Variants in NKAIN3 observed in about 807,000 individuals in gnomAD.
The protein encoded by NKAIN3 is sodium/potassium transporting ATPase interacting 3.
Under a neutral mutation model 30.2 loss-of-function variants are expected in NKAIN3, and 25 were observed. The observed-to-expected ratio is 0.83, with a 90% CI of 0.60 to 1.16. NKAIN3 has a LOEUF of 1.16. Among genes scored for constraint, NKAIN3 ranks in the 50% most tolerant of loss-of-function variants. The pLI, the probability that NKAIN3 is intolerant of heterozygous loss-of-function variation, is 0.00. For synonymous variants in NKAIN3, 91 were observed against 89.6 expected, an observed-to-expected ratio of 1.02 and a Z score of -0.09; for missense variants, 225 against 254.1, an observed-to-expected ratio of 0.89 and a Z score of 0.78.
chr8:62,714,403 C>T (rs912097068), intron 3 of NKAIN3, among the ~76,000 whole-genome samples: 3 of 151,656 alleles, frequency 2.0e-5, no homozygotes, highest in Non-Finnish European at 2.9e-5. Flanking sequence ...TCTTTTATAT[C>T]ATATGTATGT....
intron 1 of NKAIN3, among the ~76,000 whole-genome samples, chr8:62,250,653 C>T (rs1812072172): frequency 6.6e-6 from 1 of 152,022 alleles, no homozygotes; most frequent in Non-Finnish European, 1.5e-5. Context: ...ATGGAAATAA[C>T]AAGTAAGGTT....
chr8:62,606,904 G>A (rs1181995888), intron 3 of NKAIN3, among the ~76,000 whole-genome samples: 1 of 152,152 alleles, frequency 6.6e-6, no homozygotes, highest in Non-Finnish European at 1.5e-5. Context: ...TACTGAGACA[G>A]TGGGTGTAGT....
intron 1 of NKAIN3, among the ~76,000 whole-genome samples, chr8:62,365,449 C>A (rs1411369085): frequency 1.3e-5 from 2 of 152,096 alleles, no homozygotes; most frequent in African/African-American, 4.8e-5. Flanking sequence ...GCTTTTTCTG[C>A]TGAACATAAT....
chr8:62,515,877 T>G (rs933904092), intron 1 of NKAIN3, among the ~76,000 whole-genome samples: 1 of 152,162 alleles, frequency 6.6e-6, no homozygotes, highest in African/African-American at 2.4e-5. Flanking sequence ...ATAAATTATA[T>G]ATTTAAATTA....
At position 62,359,814 on chromosome 8, in the gene NKAIN3, A is replaced by G. The variant is rs75249241; in HGVS notation, c.54+110687A>G. Among the ~76,000 whole-genome samples the G allele has an allele frequency of 4.8e-4, 73 of 152,280 alleles. No individual in the cohort carries two copies. The East Asian group carries it at 0.013, about 27-fold the overall frequency. On this transcript the variant is annotated intron_variant, in intron 1 of 6. Transcript: ENST00000623646. ...CCACTGCCTTGTATTGTCTTAAGGG[A>G]GGCAATGGGAAACATAGTATGTCTT... is the stretch of plus-strand genomic sequence containing the variant.
chr8:62,341,529 A>G (rs1322725217), intron 1 of NKAIN3, among the ~76,000 whole-genome samples: 3 of 152,060 alleles, frequency 2.0e-5, no homozygotes, highest in Non-Finnish European at 4.4e-5. Flanking sequence ...TAGAGCATCA[A>G]AAGCAATTTA....
intron 5 of NKAIN3, among the ~76,000 whole-genome samples, chr8:62,950,867 G>A (rs1823264709): frequency 6.6e-6 from 1 of 150,888 alleles, no homozygotes; most frequent in Non-Finnish European, 1.5e-5. Context: ...AATCTAGAAT[G>A]GCCACGTAGA....
intron 1 of NKAIN3, among the ~76,000 whole-genome samples, chr8:62,494,255 C>T (rs978516154): frequency 6.6e-6 from 1 of 151,954 alleles, no homozygotes; most frequent in Admixed American, 6.6e-5. Flanking sequence ...TATGGAAAGC[C>T]TTTTCTGTAT....
intron 1 of NKAIN3, among the ~76,000 whole-genome samples, chr8:62,407,786 G>C (rs1322276894): frequency 1.3e-5 from 2 of 152,198 alleles, no homozygotes; most frequent in Non-Finnish European, 2.9e-5. Context: ...AATTGCATTG[G>C]TTTAGGATGA....
chr8:62,300,489 ACAGT>A (rs1814008803), intron 1 of NKAIN3, among the ~76,000 whole-genome samples: 1 of 152,106 alleles, frequency 6.6e-6, no homozygotes, highest in Non-Finnish European at 1.5e-5. Flanking sequence ...AGTAAAAATC[ACAGT>A]CAATTTTAAC....
chr8:62,621,568 A>G (rs982325881), intron 3 of NKAIN3, among the ~76,000 whole-genome samples: 3 of 152,064 alleles, frequency 2.0e-5, no homozygotes, highest in African/African-American at 7.2e-5. Flanking sequence ...ATATAATAAA[A>G]GCATTTTCCT....
chr8:62,542,052 C>T (rs1388647507), intron 1 of NKAIN3, among the ~76,000 whole-genome samples: 1 of 152,186 alleles, frequency 6.6e-6, no homozygotes, highest in Non-Finnish European at 1.5e-5. Flanking sequence ...AATGACAGTA[C>T]TCATAGGTCT....
chr8:62,870,914 T>A (rs1046860948), intron 4 of NKAIN3, among the ~76,000 whole-genome samples: 7 of 151,686 alleles, frequency 4.6e-5, no homozygotes, highest in African/African-American at 1.7e-4. Context: ...TTTGGAAAAG[T>A]AGTTCGAGGG....
intron 1 of NKAIN3, among the ~76,000 whole-genome samples, chr8:62,573,669 A>G (rs1224877625): frequency 6.6e-6 from 1 of 150,976 alleles, no homozygotes; most frequent in Non-Finnish European, 1.5e-5. Flanking sequence ...AAATAATTCC[A>G]CTGTTCTTTT....
At chr8:62,672,749 T>A (rs1813346178) in intron 3 of NKAIN3, among the ~76,000 whole-genome samples, 1 of 152,190 alleles carries the variant, frequency 6.6e-6, no homozygotes, top group East Asian at 1.9e-4. Context: ...CTAGATAAAC[T>A]TAAACCTTAA....
At chr8:62,916,646 C>T (rs1307108250) in intron 4 of NKAIN3, among the ~76,000 whole-genome samples, 2 of 152,140 alleles carry the variant, frequency 1.3e-5, no homozygotes, top group Non-Finnish European at 2.9e-5. Flanking sequence ...ACTGCAAATT[C>T]TCATCCACTT....
chr8:62,400,163 C>CT (rs71255333), intron 1 of NKAIN3, among the ~76,000 whole-genome samples: 10,236 of 122,254 alleles, frequency 0.084, 709 homozygotes, highest in Non-Finnish European at 0.1. Context: ...GCTATATTTT[C>CT]TTTTTTTTTT....
intron 1 of NKAIN3, among the ~76,000 whole-genome samples, chr8:62,301,274 G>T (rs1271460698): frequency 2.0e-5 from 3 of 151,966 alleles, no homozygotes; most frequent in Non-Finnish European, 4.4e-5. Flanking sequence ...AGTGTTAAAA[G>T]AAAAACTTTA....
chr8:62,644,317 A>G (rs1812394267), intron 3 of NKAIN3, among the ~76,000 whole-genome samples: 1 of 152,090 alleles, frequency 6.6e-6, no homozygotes, highest in Non-Finnish European at 1.5e-5. Context: ...TCCTCAAAAT[A>G]TCCTGACTTC....
Sources: gnomAD v4.1 joint callset for allele counts (sites outside exome capture counted in the v4.1 genomes callset) on GRCh38, gnomAD v4.1.1 for gene constraint, MANE v1.5 for transcripts, NCBI Gene and HGNC (gene_info 2026-07-23, HGNC 2026-07-21) for gene names.